ABHD16B: variants seen among roughly 807,000 people sequenced by gnomAD.
ABHD16B encodes abhydrolase domain-containing protein 16B.
ABHD16B carries 14 observed loss-of-function variants against 10.5 expected under a neutral mutation model. The ratio of observed to expected loss-of-function variants is 1.33; its 90% CI spans 0.88 to 2.08. The LOEUF (loss-of-function observed/expected upper bound fraction) is 2.08. Ranked by LOEUF, ABHD16B falls within the 30% of genes most tolerant of loss-of-function variation. The probability of loss-of-function intolerance (pLI) is 0.00; values close to 1 mark genes in which losing one functional copy is unlikely to be tolerated. For synonymous variants in ABHD16B, 374 were observed against 337.9 expected, an observed-to-expected ratio of 1.11 and a Z score of -1.17; for missense variants, 763 against 717.4, an observed-to-expected ratio of 1.06 and a Z score of -0.73.
Position 63,862,552 on chromosome 20 carries a change from G to A in ABHD16B, c.1012G>A (p.Asp338Asn). Residue 338 changes from aspartate (D) to asparagine (N), a missense_variant, in exon 1 of 1, where the codon GAC (aspartate) becomes AAC (asparagine). Asp to Asn is a conservative substitution (Grantham distance 23). Transcript: ENST00000369916. This position sits in a 1 kb window ranked among gnomAD's most constrained non-coding sequence, Gnocchi z 7.5. ...SGRLRPLSPG[D>N]VEGNRGNELL... is the part of the protein sequence containing the mutation. ...CCGCCTGCGCCCCCTGTCACCTGGT[G>A]ACGTGGAGGGCAACCGGGGCAATGA... The A allele has an allele frequency of 6.4e-7, 1 of 1,572,062 alleles. No homozygotes were observed.
In ABHD16B at chr20:63,862,958, GC is replaced by G; in HGVS notation, c.*12del. On this transcript the variant is annotated 3_prime_UTR_variant, in exon 1 of 1. Coordinates refer to ENST00000369916, the MANE Select transcript of ABHD16B (RefSeq NM_080622.4). The surrounding 1 kb of genome is among the most constrained non-coding windows in gnomAD (Gnocchi z 7.5). The stretch of plus-strand genomic sequence containing the variant: ...TTGCCCTGGCGGCTGTAACCTATAT[GC>G]CCCAGTGGGGGATCACGCACTTGAA... 7.4e-7 allele frequency: 1 copy of G among 1,348,786 alleles called. No homozygotes were observed. 83.6% of individuals were successfully genotyped at this position (1,348,786 alleles called of 1,614,324 possible).
chr20:63,861,880 G>T lies in ABHD16B; in HGVS notation c.340G>T (p.Gly114Cys). ...GCTGGGCCGCTGGCTCGTGTACCCCGGCTCCGTGTCCCTGATGACGCGCGC... is the reference window on the plus strand; with the variant it reads ...GCTGGGCCGCTGGCTCGTGTACCCCTGCTCCGTGTCCCTGATGACGCGCGC... ...HSLGRWLVYP[G>C]SVSLMTRALL... Residue 114 changes from glycine to cysteine, a missense_variant, in exon 1 of 1, where the codon GGC (glycine) becomes TGC (cysteine). Transcript: ENST00000369916. The surrounding 1 kb of genome is among the most constrained non-coding windows in gnomAD (Gnocchi z 5.4). The T allele has an allele frequency of 6.4e-7, 1 of 1,562,350 alleles. No individual in the cohort carries two copies.
Position 63,862,868 on chromosome 20 carries a change from C to A in ABHD16B, c.1328C>A (p.Ala443Asp). ...RRRRRLALFL[A>D]RKHLKNVEAT... ...CGCCGGCGCCTCGCACTGTTCCTGG[C>A]TCGGAAGCACCTCAAGAACGTGGAG... Residue 443 changes from alanine (A) to aspartate (D), a missense_variant, in exon 1 of 1, where the codon GCT (alanine) becomes GAT (aspartate). By Grantham distance (126) the Ala-to-Asp change is moderately radical (BLOSUM62 -2). Coordinates refer to ENST00000369916, the MANE Select transcript of ABHD16B (RefSeq NM_080622.4). This position sits in a 1 kb window ranked among gnomAD's most constrained non-coding sequence, Gnocchi z 7.5. 6.5e-7 allele frequency: 1 copy of A among 1,540,928 alleles called. No individual in the cohort carries two copies.
At position 63,861,667 on chromosome 20, in the gene ABHD16B, C is replaced by T. The variant is rs370049220; in HGVS notation, c.127C>T (p.Arg43Trp). 66 of 1,536,868 alleles carry T rather than the reference C, an allele frequency of 4.3e-5. No homozygotes were observed. The East Asian group carries it at 4.9e-4, about 11-fold the overall frequency. ...FRWDDVRAVGRSSSHRALTCA... is the reference protein window; with the variant it reads ...FRWDDVRAVGWSSSHRALTCA... ...CTGGGATGACGTGCGCGCCGTGGGC[C>T]GGAGCAGCAGCCACCGGGCGCTGAC... Residue 43 changes from arginine to tryptophan, a missense_variant, in exon 1 of 1, where the codon CGG (arginine) becomes TGG (tryptophan). Physicochemically the swap from Arg to Trp is moderately radical, Grantham distance 101. Transcript: ENST00000369916. The surrounding 1 kb of genome is among the most constrained non-coding windows in gnomAD (Gnocchi z 5.4).
At position 63,862,508 on chromosome 20, in the gene ABHD16B, A is replaced by C; in HGVS notation, c.968A>C (p.Asp323Ala). 6.4e-7 allele frequency: 1 copy of C among 1,568,380 alleles called. No homozygotes were observed. The highest frequency in any genetic ancestry group is 8.6e-7 in the Non-Finnish European group (1 of 1,162,740). ...CTGCTGCTCCGACGCACGCAGGATG[A>C]CGTGGTCAGCACTTCGGGCCGCCTG... ...PVLLLRRTQD[D>A]VVSTSGRLRP... is the part of the protein sequence containing the mutation. The change falls in exon 1 of 1, where the codon GAC becomes GCC. Residue 323 changes from aspartate (D) to alanine (A), a missense_variant. Physicochemically the swap from Asp to Ala is moderately radical, Grantham distance 126. Transcript: ENST00000369916. This position sits in a 1 kb window ranked among gnomAD's most constrained non-coding sequence, Gnocchi z 7.5.
chr20:63,862,319 A>C lies in ABHD16B; in HGVS notation c.779A>C (p.Tyr260Ser), dbSNP rs1175888409. ...GFTATWATMTYPELGALVLDA... is the reference protein window; with the variant it reads ...GFTATWATMTSPELGALVLDA... ...ACGGCCACCTGGGCCACCATGACCT[A>C]CCCGGAGCTGGGTGCACTGGTGCTG... Residue 260 changes from tyrosine (Y) to serine (S), a missense_variant, in exon 1 of 1, where the codon TAC becomes TCC. Physicochemically the swap from Tyr to Ser is moderately radical, Grantham distance 144 (BLOSUM62 -2). Transcript: ENST00000369916. The surrounding 1 kb of genome is among the most constrained non-coding windows in gnomAD (Gnocchi z 7.5). 3 of 1,612,048 alleles carry C rather than the reference A, an allele frequency of 1.9e-6. No individual in the cohort carries two copies. The Admixed American group carries it at 5.0e-5, about 27-fold the overall frequency.
chr20:63,861,823 G>A lies in ABHD16B; in HGVS notation c.283G>A (p.Gly95Ser), dbSNP rs1372961286. 5 of 1,507,002 alleles carry A rather than the reference G, an allele frequency of 3.3e-6. No individual in the cohort carries two copies. Among genetic ancestry groups the A allele is most frequent in the African/African-American group, 1.4e-5 (1 of 70,304 alleles). 93.4% of individuals were successfully genotyped at this position (1,507,002 alleles called of 1,614,324 possible). ...CLLQQLRELP[G>S]QLASYALAHS... ...CTTGCAGCAGCTCCGCGAGCTGCCC[G>A]GCCAGCTCGCTAGCTACGCGCTGGC... The change falls in exon 1 of 1, where the codon GGC becomes AGC. Residue 95 changes from glycine (G) to serine (S), a missense_variant. Coordinates refer to ENST00000369916, the MANE Select transcript of ABHD16B (RefSeq NM_080622.4). The surrounding 1 kb of genome is among the most constrained non-coding windows in gnomAD (Gnocchi z 5.4).
chr20:63,862,848 G>T lies in ABHD16B; in HGVS notation c.1308G>T (p.Arg436=). The part of the protein sequence containing the change: ...VGQGLSSRRR[R]RLALFLARKH... ...AGGGCCTGAGCTCGCGGCGGCGCCG[G>T]CGCCTCGCACTGTTCCTGGCTCGGA... Residue 436 remains arginine (R), a synonymous_variant, in exon 1 of 1, where the codon CGG becomes CGT. Coordinates refer to ENST00000369916, the MANE Select transcript of ABHD16B (RefSeq NM_080622.4). The surrounding 1 kb of genome is among the most constrained non-coding windows in gnomAD (Gnocchi z 7.5). The T allele has an allele frequency of 6.5e-7, 1 of 1,536,404 alleles. No homozygotes were observed. Among genetic ancestry groups the T allele is most frequent in the African/African-American group, 1.4e-5 (1 of 73,018 alleles).
chr20:63,861,760 C>T lies in ABHD16B; in HGVS notation c.220C>T (p.Arg74Trp), dbSNP rs1458645247. ...GACGCTGGGCGGGGATGCGCTGGGGCGGCCTCCACGTGGGGCGCGCAGCCA... is the reference window on the plus strand; with the variant it reads ...GACGCTGGGCGGGGATGCGCTGGGGTGGCCTCCACGTGGGGCGCGCAGCCA... ...DETLGGDALGRPPRGARSQAQ... is the reference protein window; with the variant it reads ...DETLGGDALGWPPRGARSQAQ... The change falls in exon 1 of 1, where the codon CGG becomes TGG. Residue 74 changes from arginine to tryptophan, a missense_variant. Transcript: ENST00000369916. This position sits in a 1 kb window ranked among gnomAD's most constrained non-coding sequence, Gnocchi z 5.4. 7.1e-7 allele frequency: 1 copy of T among 1,413,232 alleles called. No individual in the cohort carries two copies. The highest frequency in any genetic ancestry group is 9.1e-7 in the Non-Finnish European group (1 of 1,093,302). 87.5% of individuals were successfully genotyped at this position (1,413,232 alleles called of 1,614,324 possible). A position where few individuals can be genotyped will look rare whatever the true frequency, so the allele number is the denominator to read the frequency against.
rs1205061129 is a variant in ABHD16B, at chr20:63,862,778, AG to A, written c.1240del (p.Ala414ProfsTer17). 5 of 1,531,088 alleles carry A rather than the reference AG, an allele frequency of 3.3e-6. No homozygotes were observed. Among genetic ancestry groups the A allele is most frequent in the Non-Finnish European group, 3.5e-6 (4 of 1,142,640 alleles). The allele number at this position is 1,531,088 out of a possible 1,614,324, so 94.8% of individuals were successfully genotyped here. The part of the protein sequence containing the change: ...ARCEEELEGE[E>X]ALGPHGPAFP... The stretch of plus-strand genomic sequence containing the variant: ...TGCGAAGAGGAGCTGGAGGGCGAGG[AG>A]GCCCTGGGGCCACACGGACCCGCCT... On this transcript the variant is annotated frameshift_variant, in exon 1 of 1. Transcript: ENST00000369916. LOFTEE classifies it high-confidence loss of function. The surrounding 1 kb of genome is among the most constrained non-coding windows in gnomAD (Gnocchi z 7.5).
chr20:63,861,940 C>G lies in ABHD16B; in HGVS notation c.400C>G (p.Leu134Val), dbSNP rs916287771. 6.3e-7 allele frequency: 1 copy of G among 1,595,868 alleles called. No individual in the cohort carries two copies. The highest frequency in any genetic ancestry group is 1.3e-5 in the African/African-American group (1 of 74,552). ...GCTGCTGCAGCAGGGCCAAGAGCGC[C>G]TCGTGGAGCGCTACCACGGCCGGCG... ...LPLLQQGQER[L>V]VERYHGRRAK... is the part of the protein sequence containing the mutation. The change falls in exon 1 of 1, where the codon CTC becomes GTC. Residue 134 changes from leucine (L) to valine (V), a missense_variant. Physicochemically the swap from Leu to Val is conservative, Grantham distance 32. Coordinates refer to ENST00000369916, the MANE Select transcript of ABHD16B (RefSeq NM_080622.4). The surrounding 1 kb of genome is among the most constrained non-coding windows in gnomAD (Gnocchi z 5.4).
chr20:63,862,283 T>A lies in ABHD16B; in HGVS notation c.743T>A (p.Val248Asp). 1 of 1,611,564 alleles carries A rather than the reference T, an allele frequency of 6.2e-7. No individual in the cohort carries two copies. ...CACCTGGTGGTCTACGGCTGGTCTG[T>A]TGGCGGCTTCACGGCCACCTGGGCC... ...PAHLVVYGWS[V>D]GGFTATWATM... The change falls in exon 1 of 1, where the codon GTT becomes GAT. Residue 248 changes from valine to aspartate, a missense_variant. Val to Asp is a radical substitution (Grantham distance 152). Coordinates refer to ENST00000369916, the MANE Select transcript of ABHD16B (RefSeq NM_080622.4). This position sits in a 1 kb window ranked among gnomAD's most constrained non-coding sequence, Gnocchi z 7.5.
At position 63,861,655 on chromosome 20, in the gene ABHD16B, C is replaced by A. The variant is rs1024821218; in HGVS notation, c.115C>A (p.Arg39Ser). The A allele has an allele frequency of 3.2e-6, 5 of 1,541,244 alleles. No homozygotes were observed. Among genetic ancestry groups the A allele is most frequent in the Non-Finnish European group, 4.4e-6 (5 of 1,146,034 alleles). The change falls in exon 1 of 1, where the codon CGC becomes AGC. Residue 39 changes from arginine (R) to serine (S), a missense_variant. Transcript: ENST00000369916. The surrounding 1 kb of genome is among the most constrained non-coding windows in gnomAD (Gnocchi z 5.4). ...CGTGGCCTTCCGCTGGGATGACGTG[C>A]GCGCCGTGGGCCGGAGCAGCAGCCA... ...WPVAFRWDDV[R>S]AVGRSSSHRA...
Position 63,861,822 on chromosome 20 carries a change from C to CGGCCTGCTCGCTAGCTACGCGCT in ABHD16B, c.286_287insTGCTCGCTAGCTACGCGCTGGCC (p.Gln96LeufsTer31). 6.6e-7 allele frequency: 1 copy of CGGCCTGCTCGCTAGCTACGCGCT among 1,508,846 alleles called. No homozygotes were observed. Among genetic ancestry groups the CGGCCTGCTCGCTAGCTACGCGCT allele is most frequent in the Non-Finnish European group, 8.8e-7 (1 of 1,133,932 alleles). 93.5% of individuals were successfully genotyped at this position (1,508,846 alleles called of 1,614,324 possible). A position where few individuals can be genotyped will look rare whatever the true frequency, so the allele number is the denominator to read the frequency against. On this transcript the variant is annotated frameshift_variant, in exon 1 of 1. Transcript: ENST00000369916. LOFTEE classifies it high-confidence loss of function. This position sits in a 1 kb window ranked among gnomAD's most constrained non-coding sequence, Gnocchi z 5.4. Reference sequence around the variant, plus strand: ...TCTTGCAGCAGCTCCGCGAGCTGCCCGGCCAGCTCGCTAGCTACGCGCTGG... The same window carrying CGGCCTGCTCGCTAGCTACGCGCT: ...TCTTGCAGCAGCTCCGCGAGCTGCCCGGCCTGCTCGCTAGCTACGCGCTGGCCAGCTCGCTAGCTACGCGCTGG...
Position 63,861,627 on chromosome 20 carries a change from G to C in ABHD16B, c.87G>C (p.Trp29Cys), listed in dbSNP as rs1192689470. 6.5e-7 allele frequency: 1 copy of C among 1,550,152 alleles called. No individual in the cohort carries two copies. Among genetic ancestry groups the C allele is most frequent in the East Asian group, 2.4e-5 (1 of 41,310 alleles). The change falls in exon 1 of 1, where the codon TGG becomes TGC. Residue 29 changes from tryptophan (W) to cysteine (C), a missense_variant. Transcript: ENST00000369916. The surrounding 1 kb of genome is among the most constrained non-coding windows in gnomAD (Gnocchi z 5.4). ...GCTACACCTACCCATTCCGCGGCTG[G>C]CCCGTGGCCTTCCGCTGGGATGACG... The part of the protein sequence containing the change: ...TASYTYPFRG[W>C]PVAFRWDDVR...
Position 63,862,463 on chromosome 20 carries a change from G to A in ABHD16B, c.923G>A (p.Cys308Tyr), listed in dbSNP as rs780728703. 5.3e-5 allele frequency: 83 copies of A among 1,566,094 alleles called. No homozygotes were observed. The highest frequency in any genetic ancestry group is 6.4e-5 in the Non-Finnish European group (74 of 1,161,068). ...HFNLNVAEQLCCYPGPVLLLR... is the reference protein window; with the variant it reads ...HFNLNVAEQLYCYPGPVLLLR... ...AACCTCAACGTGGCCGAGCAGCTGTGCTGCTACCCGGGGCCGGTGCTGCTG... is the reference window on the plus strand; with the variant it reads ...AACCTCAACGTGGCCGAGCAGCTGTACTGCTACCCGGGGCCGGTGCTGCTG... Residue 308 changes from cysteine to tyrosine, a missense_variant, in exon 1 of 1, where the codon TGC (cysteine) becomes TAC (tyrosine). Transcript: ENST00000369916. The surrounding 1 kb of genome is among the most constrained non-coding windows in gnomAD (Gnocchi z 7.5).
chr20:63,861,663 G>A lies in ABHD16B; in HGVS notation c.123G>A (p.Val41=). 1 of 1,538,106 alleles carries A rather than the reference G, an allele frequency of 6.5e-7. No homozygotes were observed. The highest frequency in any genetic ancestry group is 8.7e-7 in the Non-Finnish European group (1 of 1,144,836). ...TCCGCTGGGATGACGTGCGCGCCGTGGGCCGGAGCAGCAGCCACCGGGCGC... is the reference window on the plus strand; with the variant it reads ...TCCGCTGGGATGACGTGCGCGCCGTAGGCCGGAGCAGCAGCCACCGGGCGC... The part of the protein sequence containing the change: ...VAFRWDDVRA[V]GRSSSHRALT... The change falls in exon 1 of 1, where the codon GTG becomes GTA. Residue 41 remains valine (V), a synonymous_variant. Transcript: ENST00000369916. The surrounding 1 kb of genome is among the most constrained non-coding windows in gnomAD (Gnocchi z 5.4).
rs1568928401 is a variant in ABHD16B at position 63,861,854 on chromosome 20, CGCTGGGCCGCTG to C, written c.318_329del (p.Gly107_Leu110del). 8 of 1,555,402 alleles carry C rather than the reference CGCTGGGCCGCTG, an allele frequency of 5.1e-6. No homozygotes were observed. The Admixed American group carries it at 1.1e-4, about 22-fold the overall frequency. On this transcript the variant is annotated inframe_deletion, in exon 1 of 1. Transcript: ENST00000369916. The surrounding 1 kb of genome is among the most constrained non-coding windows in gnomAD (Gnocchi z 5.4). ...CTCGCTAGCTACGCGCTGGCCCACT[CGCTGGGCCGCTG>C]GCTCGTGTACCCCGGCTCCGTGTCC...
At position 63,862,302 on chromosome 20, in the gene ABHD16B, C is replaced by G; in HGVS notation, c.762C>G (p.Thr254=). The change falls in exon 1 of 1, where the codon ACC becomes ACG. Residue 254 remains threonine, a synonymous_variant. Transcript: ENST00000369916. This position sits in a 1 kb window ranked among gnomAD's most constrained non-coding sequence, Gnocchi z 7.5. ...YGWSVGGFTA[T]WATMTYPELG... ...GGTCTGTTGGCGGCTTCACGGCCAC[C>G]TGGGCCACCATGACCTACCCGGAGC... is the stretch of plus-strand genomic sequence containing the variant. The G allele has an allele frequency of 6.2e-7, 1 of 1,612,096 alleles. No homozygotes were observed. Among genetic ancestry groups the G allele is most frequent in the South Asian group, 1.1e-5 (1 of 91,006 alleles).
Sources: gnomAD v4.1 joint callset for allele counts on GRCh38, gnomAD v4.1.1 for gene constraint, Gnocchi (gnomAD v3.1) non-coding constraint, MANE v1.5 for transcripts, NCBI Gene and HGNC (gene_info 2026-07-23, HGNC 2026-07-21) for gene names.